SPATS2: variants seen among roughly 807,000 people sequenced by gnomAD.
SPATS2 encodes spermatogenesis-associated serine-rich protein 2.
In SPATS2, 38 loss-of-function variants were observed where a neutral mutation model predicts 63.7. The observed-to-expected ratio is 0.60, with a 90% CI of 0.46 to 0.78. The LOEUF (loss-of-function observed/expected upper bound fraction) is 0.78, where lower values mean the gene tolerates loss of function less well. Among genes scored for constraint, SPATS2 ranks in the 30% least tolerant of loss-of-function variants. The probability of loss-of-function intolerance (pLI) is 0.00; values close to 1 mark genes in which losing one functional copy is unlikely to be tolerated. For missense variants in SPATS2, 588 were observed against 666.2 expected, an observed-to-expected ratio of 0.88 and a Z score of 1.29; for synonymous variants, 207 against 232.9, an observed-to-expected ratio of 0.89 and a Z score of 1.01.
chr12:49,374,869 G>A (rs1944065892), intron 2 of SPATS2, among the ~76,000 whole-genome samples: 1 of 146,968 alleles, frequency 6.8e-6, no homozygotes, highest in African/African-American at 2.6e-5. Context: ...GCTGAGGCAG[G>A]AGAATCACTT....
chr12:49,409,552 A>G (rs555712529), intron 2 of SPATS2, among the ~76,000 whole-genome samples: 23 of 148,282 alleles, frequency 1.6e-4, no homozygotes, highest in Admixed American at 1.5e-3. Context: ...TCGGCCTCCC[A>G]AAGTGCTGGA....
At chr12:49,484,482 T>A in intron 3 of SPATS2, 108 bp from the exon 4 acceptor site, 1 of 976,990 alleles carries the variant, frequency 1.0e-6, no homozygotes, top group Non-Finnish European at 1.5e-6. Context: ...AGCAACTAAG[T>A]TGCTGTTAAT....
intron 2 of SPATS2, among the ~76,000 whole-genome samples, chr12:49,437,576 C>G (rs548282802): frequency 1.3e-5 from 2 of 152,206 alleles, no homozygotes; most frequent in Non-Finnish European, 2.9e-5. Flanking sequence ...TCTGCCATCC[C>G]GGCACCTCGG....
At chr12:49,488,526 C>T (rs944257706) in intron 4 of SPATS2, among the ~76,000 whole-genome samples, 8 of 151,906 alleles carry the variant, frequency 5.3e-5, no homozygotes, top group African/African-American at 1.9e-4. Context: ...GACGTGGTGG[C>T]ACATGCCTGT....
chr12:49,470,577 C>T (rs1479442400), intron 3 of SPATS2, among the ~76,000 whole-genome samples: 3 of 152,092 alleles, frequency 2.0e-5, no homozygotes. Flanking sequence ...AACTTAGGAG[C>T]AGTTCACCAG....
Position 49,451,443 on chromosome 12 carries a change from A to G in SPATS2, c.-243-9327A>G, listed in dbSNP as rs374182395. Among the ~76,000 whole-genome samples the G allele has an allele frequency of 7.9e-5, 12 of 152,288 alleles. No homozygotes were observed. The East Asian group carries it at 1.3e-3, about 17-fold the overall frequency. On this transcript the variant is annotated intron_variant, in intron 2 of 13. Transcript: ENST00000552918. ...AATTGTTTTCATGTTTATTATATCTATATTTGCTATAAACCTAATAATTCA... is the reference window on the plus strand; with the variant it reads ...AATTGTTTTCATGTTTATTATATCTGTATTTGCTATAAACCTAATAATTCA...
At chr12:49,463,496 T>G (rs1206746641) in intron 3 of SPATS2, 2 of 152,298 alleles carry the variant, frequency 1.3e-5, no homozygotes, top group East Asian at 3.9e-4. Context: ...GATTTACACT[T>G]AGTTGGAAAC....
chr12:49,498,145 A>AAAAAAAAATATATATATAT (rs66900382), intron 8 of SPATS2, among the ~76,000 whole-genome samples: 1 of 98,980 alleles, frequency 1.0e-5, no homozygotes, highest in Non-Finnish European at 1.9e-5. Flanking sequence ...AAAAAAAAAA[A>AAAAAAAAATATATATATAT]ATATATATAT....
chr12:49,403,594 TACACACACACAC>T (rs5798102), intron 2 of SPATS2, among the ~76,000 whole-genome samples: 6,693 of 128,466 alleles, frequency 0.052, 363 homozygotes, highest in African/African-American at 0.15. Context: ...TGCCACTGTC[TACACACACACAC>T]ACACACACAC....
Position 49,524,884 on chromosome 12 carries a change from G to T in SPATS2, c.1314G>T (p.Gln438His). The change falls in exon 13 of 14, where the codon CAG (glutamine) becomes CAT (histidine). Residue 438 changes from glutamine (Q) to histidine (H), a missense_variant. Physicochemically the swap from Gln to His is conservative, Grantham distance 24. Transcript: ENST00000552918. ...AIANSSGQPY[Q>H]PLREVLPGNR... ...CAAACTCCAGTGGCCAGCCCTACCAGCCACTTCGGGAGGTAACCTAGCTTC... is the reference window on the plus strand; with the variant it reads ...CAAACTCCAGTGGCCAGCCCTACCATCCACTTCGGGAGGTAACCTAGCTTC... 1 of 1,613,370 alleles carries T rather than the reference G, an allele frequency of 6.2e-7. No homozygotes were observed. The highest frequency in any genetic ancestry group is 1.1e-5 in the South Asian group (1 of 91,034).
At chr12:49,424,320 T>A (rs1945035567) in intron 2 of SPATS2, among the ~76,000 whole-genome samples, 1 of 152,214 alleles carries the variant, frequency 6.6e-6, no homozygotes, top group Admixed American at 6.5e-5. Context: ...CATCTTCTTC[T>A]GAGACATCTG....
intron 2 of SPATS2, among the ~76,000 whole-genome samples, chr12:49,398,681 G>A (rs1212200922): frequency 6.6e-6 from 1 of 152,110 alleles, no homozygotes; most frequent in Admixed American, 6.6e-5. Flanking sequence ...TTAATTGATG[G>A]TATATTTACT....
chr12:49,511,511 C>G (rs1209943854), intron 9 of SPATS2, among the ~76,000 whole-genome samples: 1 of 152,002 alleles, frequency 6.6e-6, no homozygotes, highest in African/African-American at 2.4e-5. Context: ...TATTTCCATT[C>G]AAGAAAGCCT....
Position 49,381,083 on chromosome 12 carries a change from G to A in SPATS2, c.-244+9793G>A, listed in dbSNP as rs1050360507. Among the ~76,000 whole-genome samples, 3 of 151,864 alleles carry A rather than the reference G, an allele frequency of 2.0e-5. No homozygotes were observed. The South Asian group carries it at 6.2e-4, about 32-fold the overall frequency. ...GTTGTTGTTGTTGTTTTTAATTTTA[G>A]CTATCCTAGTAGATGTGAAGTGGTA... On this transcript the variant is annotated intron_variant, in intron 2 of 13. Transcript: ENST00000552918.
intron 9 of SPATS2, among the ~76,000 whole-genome samples, chr12:49,513,283 C>T (rs1315089729): frequency 6.6e-6 from 1 of 152,008 alleles, no homozygotes; most frequent in Non-Finnish European, 1.5e-5. Flanking sequence ...TTTATTTACC[C>T]TGTAGTTATA....
At chr12:49,478,766 TAC>T (rs2137800626) in intron 3 of SPATS2, among the ~76,000 whole-genome samples, 1 of 152,336 alleles carries the variant, frequency 6.6e-6, no homozygotes, top group Non-Finnish European at 1.5e-5. Context: ...GTGAAATTGT[TAC>T]GGATCTTTGG....
At chr12:49,463,611 C>T (rs1176602595) in intron 3 of SPATS2, 2 of 152,134 alleles carry the variant, frequency 1.3e-5, no homozygotes, top group Non-Finnish European at 2.9e-5. Context: ...AATATTACAA[C>T]ATTTCATTTA....
intron 2 of SPATS2, among the ~76,000 whole-genome samples, chr12:49,435,638 CTT>C (rs34420984): frequency 1.7e-4 from 16 of 96,052 alleles, no homozygotes; most frequent in East Asian, 8.0e-4. Flanking sequence ...TGAATGGTTT[CTT>C]TTTTTTTTTT....
chr12:49,456,603 C>T (rs987177534), intron 2 of SPATS2, among the ~76,000 whole-genome samples: 1 of 152,136 alleles, frequency 6.6e-6, no homozygotes, highest in South Asian at 2.1e-4. Flanking sequence ...GCGAGAGTGG[C>T]AGAGTAGAAG....
Sources: allele counts gnomAD v4.1 joint callset (sites outside exome capture counted in the v4.1 genomes callset), GRCh38; gene constraint gnomAD v4.1.1; transcripts MANE v1.5; gene names NCBI Gene and HGNC (gene_info 2026-07-23, HGNC 2026-07-21).